KHDRBS2: variants seen among roughly 807,000 people sequenced by gnomAD.
KHDRBS2 encodes KH RNA binding domain containing, signal transduction associated 2.
A neutral mutation model predicts 44.3 loss-of-function variants in KHDRBS2; 26 were observed. That is an observed-to-expected ratio of 0.59 (90% CI 0.43 to 0.81). KHDRBS2 has a LOEUF of 0.81. KHDRBS2 is among the 40% of genes least tolerant of loss of function. KHDRBS2 has a pLI of 0.00. For synonymous variants in KHDRBS2, 194 were observed against 151.1 expected (o/e 1.28, Z -2.08); for missense variants, 476 against 433.1 (o/e 1.10, Z -0.88).
At chr6:62,283,103 A>G (rs1431897561) in intron 1 of KHDRBS2, among the ~76,000 whole-genome samples, 2 of 152,178 alleles carry the variant, frequency 1.3e-5, no homozygotes, top group African/African-American at 4.8e-5. Flanking sequence ...AGCACCTACC[A>G]TAACAAGTGG....
chr6:61,562,919 G>A, the KHDRBS2 span, among the ~76,000 whole-genome samples: 4 of 152,158 alleles, frequency 2.6e-5, no homozygotes, highest in African/African-American at 9.6e-5. Context: ...TGTATATAAT[G>A]CGTTATATCT....
chr6:61,712,104 C>T (rs539445661), intron 7 of KHDRBS2, among the ~76,000 whole-genome samples: 4 of 151,800 alleles, frequency 2.6e-5, no homozygotes, highest in South Asian at 4.2e-4. Flanking sequence ...GCTCTTTTCA[C>T]GGCAATGGCA....
intron 2 of KHDRBS2, among the ~76,000 whole-genome samples, chr6:62,150,805 A>C (rs1203159032): frequency 6.6e-6 from 1 of 152,200 alleles, no homozygotes; most frequent in Non-Finnish European, 1.5e-5. Flanking sequence ...CAACCCAGTG[A>C]ATATTTATAA....
At position 62,276,869 on chromosome 6, in the gene KHDRBS2, A is replaced by G. The variant is rs534617472; in HGVS notation, c.91+8989T>C. Among the ~76,000 whole-genome samples the G allele has an allele frequency of 1.1e-4, 16 of 152,252 alleles. 1 individual carries two copies. Among genetic ancestry groups the G allele is most frequent in the Admixed American group, 5.9e-4 (9 of 15,288 alleles). On this transcript the variant is annotated intron_variant, in intron 1 of 8. Coordinates refer to ENST00000281156, the MANE Select transcript of KHDRBS2 (RefSeq NM_152688.4). ...AATGGTTACACGTGGCATCTAGGTG[A>G]AAAGGCCTGGGTTTCAACTTTACAA...
At chr6:62,118,375 T>C (rs1806790733) in intron 2 of KHDRBS2, among the ~76,000 whole-genome samples, 2 of 152,314 alleles carry the variant, frequency 1.3e-5, no homozygotes, top group South Asian at 4.1e-4. Flanking sequence ...TTTGGCTATT[T>C]GGGGTCTTTG....
At chr6:62,005,715 C>T (rs947741101) in intron 3 of KHDRBS2, among the ~76,000 whole-genome samples, 3 of 150,614 alleles carry the variant, frequency 2.0e-5, no homozygotes, top group African/African-American at 7.3e-5. Context: ...TATAAAATAA[C>T]AATATATTTA....
At chr6:62,127,546 A>G (rs1465402720) in intron 2 of KHDRBS2, among the ~76,000 whole-genome samples, 2 of 151,916 alleles carry the variant, frequency 1.3e-5, no homozygotes, top group Non-Finnish European at 2.9e-5. Context: ...TAATTTGAAT[A>G]ATGGTTTTTA....
At chr6:61,552,712 T>G in the KHDRBS2 span, among the ~76,000 whole-genome samples, 8 of 152,194 alleles carry the variant, frequency 5.3e-5, no homozygotes, top group African/African-American at 1.7e-4. Flanking sequence ...CATAAAGGGA[T>G]GTTGAATTTT....
chr6:61,871,415 C>A (rs1409952738), intron 6 of KHDRBS2, among the ~76,000 whole-genome samples: 1 of 151,776 alleles, frequency 6.6e-6, no homozygotes, highest in African/African-American at 2.4e-5. Context: ...GAGAATGGAA[C>A]TAAGTTGGAA....
intron 6 of KHDRBS2, among the ~76,000 whole-genome samples, chr6:61,830,753 T>C (rs1791656687): frequency 6.6e-6 from 1 of 152,120 alleles, no homozygotes; most frequent in South Asian, 2.1e-4. Flanking sequence ...AGCCAAATGG[T>C]AAAGTGGAAG....
At chr6:62,199,332 G>A (rs1563049844) in intron 1 of KHDRBS2, among the ~76,000 whole-genome samples, 1 of 152,150 alleles carries the variant, frequency 6.6e-6, no homozygotes, top group Non-Finnish European at 1.5e-5. Context: ...TGTATATCTA[G>A]AAAACCCCCT....
chr6:62,138,885 T>C (rs1169722136), intron 2 of KHDRBS2, among the ~76,000 whole-genome samples: 2 of 152,222 alleles, frequency 1.3e-5, no homozygotes, highest in Non-Finnish European at 2.9e-5. Context: ...AGTGCCTGCA[T>C]GTTTTTAAAG....
intron 2 of KHDRBS2, among the ~76,000 whole-genome samples, chr6:62,151,385 C>A (rs1815152363): frequency 6.6e-6 from 1 of 152,152 alleles, no homozygotes; most frequent in African/African-American, 2.4e-5. Flanking sequence ...TAATCTCTTT[C>A]TGTCTGGGAA....
intron 8 of KHDRBS2, among the ~76,000 whole-genome samples, chr6:61,688,836 G>A (rs7758268): frequency 0.028 from 4,263 of 151,946 alleles, 221 homozygotes; most frequent in African/African-American, 0.099. Flanking sequence ...GTTACTGGGA[G>A]GTAAGCTCTA....
intron 1 of KHDRBS2, among the ~76,000 whole-genome samples, chr6:62,221,744 A>G (rs1413735216): frequency 6.6e-6 from 1 of 151,896 alleles, no homozygotes; most frequent in Non-Finnish European, 1.5e-5. Context: ...AGTCAATCAG[A>G]AAAAAAAGGA....
At chr6:62,239,504 C>T (rs186732382) in intron 1 of KHDRBS2, among the ~76,000 whole-genome samples, 13 of 152,060 alleles carry the variant, frequency 8.5e-5, no homozygotes, top group Admixed American at 1.3e-4. Flanking sequence ...ACCCTGGAGG[C>T]GGACGTTGCC....
At chr6:61,964,105 A>T (rs892324450) in intron 4 of KHDRBS2, among the ~76,000 whole-genome samples, 2 of 152,052 alleles carry the variant, frequency 1.3e-5, no homozygotes, top group African/African-American at 4.8e-5. Context: ...ACCTCCTTGC[A>T]CTGCGGCTCG....
chr6:61,690,625 A>G (rs1485778103), intron 8 of KHDRBS2, among the ~76,000 whole-genome samples: 1 of 152,042 alleles, frequency 6.6e-6, no homozygotes, highest in Non-Finnish European at 1.5e-5. Context: ...ACTTATGTTT[A>G]TTACTACTTA....
chr6:61,665,250 GT>G, the KHDRBS2 span, among the ~76,000 whole-genome samples: 2 of 151,420 alleles, frequency 1.3e-5, no homozygotes, highest in Non-Finnish European at 3.0e-5. Context: ...TGGACATACG[GT>G]TTAGGTATTA....
Sources: gnomAD v4.1 joint callset for allele counts (sites outside exome capture counted in the v4.1 genomes callset) on GRCh38, gnomAD v4.1.1 for gene constraint, MANE v1.5 for transcripts, NCBI Gene and HGNC (gene_info 2026-07-23, HGNC 2026-07-21) for gene names.